The following EIF2AK4 variants were observed in gnomAD, a reference collection of about 807,000 sequenced individuals.
EIF2AK4 encodes the protein eukaryotic translation initiation factor 2 alpha kinase 4.
Under a neutral mutation model 211.1 loss-of-function variants are expected in EIF2AK4, and 139 were observed. The observed-to-expected ratio is 0.66, with a 90% confidence interval of 0.57 to 0.76. The LOEUF (loss-of-function observed/expected upper bound fraction) is 0.76. Among genes scored for constraint, EIF2AK4 ranks in the 30% least tolerant of loss-of-function variants. The pLI is 0.00. For synonymous variants in EIF2AK4, 710 were observed against 751.3 expected (o/e 0.94, Z 0.90); for missense variants, 1,664 against 2,043.8 (o/e 0.81, Z 3.58).
intron 14 of EIF2AK4, among the ~76,000 whole-genome samples, chr15:39,986,228 T>C (rs548471078): frequency 1.3e-5 from 2 of 152,256 alleles, no homozygotes; most frequent in Non-Finnish European, 2.9e-5. Flanking sequence ...GTAGTTCTTA[T>C]AGACTTGTAA....
At position 39,969,548 on chromosome 15, in the gene EIF2AK4, G is replaced by A. The variant is rs544847852; in HGVS notation, c.1553+1669G>A. Among the ~76,000 whole-genome samples, 22 of 152,078 alleles carry A rather than the reference G, an allele frequency of 1.4e-4. No homozygotes were observed. The South Asian group carries it at 4.6e-3, about 32-fold the overall frequency. On this transcript the variant is annotated intron_variant, in intron 9 of 38. Transcript: ENST00000263791. ...GCTAATGTTTTGTATTTTTAGTAGA[G>A]ACAGGGTTTCACCATGTTAGCCAGG... is the stretch of plus-strand genomic sequence containing the variant.
rs531035413 is a variant in EIF2AK4 at position 40,007,083 on chromosome 15, A to T, written c.3407+18A>T. On this transcript the variant is annotated intron_variant, in intron 24 of 38. Coordinates refer to ENST00000263791, the MANE Select transcript of EIF2AK4 (RefSeq NM_001013703.4). The stretch of plus-strand genomic sequence containing the variant: ...TTAAAACGGTAAGAAACAATAGGAG[A>T]TTCCATTTGGTAGACATAGGAAAAT... 4.5e-6 allele frequency: 7 copies of T among 1,568,980 alleles called. No homozygotes were observed. The East Asian group carries it at 9.0e-5, about 20-fold the overall frequency.
intron 9 of EIF2AK4, among the ~76,000 whole-genome samples, 171 bp from the exon 10 acceptor site, chr15:39,972,737 C>T (rs1241232619): frequency 1.3e-5 from 2 of 152,114 alleles, no homozygotes; most frequent in African/African-American, 4.8e-5. Flanking sequence ...GTAAATCCTG[C>T]AGGAATGTTT....
At chr15:39,937,615 T>TC (rs1314003275) in intron 1 of EIF2AK4, among the ~76,000 whole-genome samples, 8 of 152,212 alleles carry the variant, frequency 5.3e-5, no homozygotes. Context: ...GGGTTTTTTT[T>TC]CCCCCTCTGT....
intron 37 of EIF2AK4, among the ~76,000 whole-genome samples, chr15:40,033,460 A>G (rs562255975): frequency 2.9e-4 from 44 of 152,326 alleles, no homozygotes; most frequent in Non-Finnish European, 3.1e-4. Context: ...AAAAATTTGA[A>G]TAGTTATCTT....
chr15:39,957,420 C>T (rs1309867598), intron 6 of EIF2AK4, among the ~76,000 whole-genome samples: 2 of 152,050 alleles, frequency 1.3e-5, no homozygotes, highest in Non-Finnish European at 2.9e-5. Flanking sequence ...TCTGCCGACC[C>T]CTCTGCCTGG....
At chr15:40,027,002 G>A (rs2035473598) in intron 33 of EIF2AK4, among the ~76,000 whole-genome samples, 1 of 151,912 alleles carries the variant, frequency 6.6e-6, no homozygotes, top group African/African-American at 2.4e-5. Flanking sequence ...GGATCCCAAA[G>A]AACTTTTGTT....
At position 39,973,764 on chromosome 15, in the gene EIF2AK4, C is replaced by A; in HGVS notation, c.1818+15C>A. On this transcript the variant is annotated intron_variant, in intron 11 of 38. Transcript: ENST00000263791. ...CTGTCATCAAGGTGTGGTACAGAGT[C>A]ATTCCCAGTCCCCTTTAGAGCTCCT... 1 of 1,613,590 alleles carries A rather than the reference C, an allele frequency of 6.2e-7. No individual in the cohort carries two copies. The highest frequency in any genetic ancestry group is 1.1e-5 in the South Asian group (1 of 90,986).
At chr15:39,988,690 G>C (rs2034900356) in intron 15 of EIF2AK4, among the ~76,000 whole-genome samples, 1 of 152,126 alleles carries the variant, frequency 6.6e-6, no homozygotes. Flanking sequence ...GGGAATATGA[G>C]GATGATTCCT....
intron 29 of EIF2AK4, among the ~76,000 whole-genome samples, chr15:40,018,422 A>G (rs1326985661): frequency 6.8e-6 from 1 of 147,776 alleles, no homozygotes; most frequent in Non-Finnish European, 1.5e-5. Context: ...AATTTGGAGG[A>G]TTTTTTCAGG....
In EIF2AK4 at chr15:39,967,436, C is replaced by G. The variant is rs748096229; in HGVS notation, c.1110C>G (p.Asp370Glu). The change falls in exon 9 of 39, where the codon GAC (aspartate) becomes GAG (glutamate). Residue 370 changes from aspartate (D) to glutamate (E), a missense_variant. Asp to Glu is a conservative substitution (Grantham distance 45, BLOSUM62 2). This residue lies in a region of EIF2AK4 where 641 missense variants were observed against 729.6 expected (regional missense o/e 0.88). Coordinates refer to ENST00000263791, the MANE Select transcript of EIF2AK4 (RefSeq NM_001013703.4). ...RYLAMNLKEQ[D>E]DSIVVDILVE... ...TTGCAATGAATCTCAAAGAGCAAGA[C>G]GACTCCATCGTGGTGGACATTTTAG... 6.2e-7 allele frequency: 1 copy of G among 1,613,604 alleles called. No homozygotes were observed. The highest frequency in any genetic ancestry group is 2.2e-5 in the East Asian group (1 of 44,850).
chr15:39,938,584 C>T (rs777121730), intron 1 of EIF2AK4, among the ~76,000 whole-genome samples: 1 of 152,152 alleles, frequency 6.6e-6, no homozygotes, highest in Non-Finnish European at 1.5e-5. Flanking sequence ...CCTGCCAGGA[C>T]ATTCAGAGAA....
intron 9 of EIF2AK4, among the ~76,000 whole-genome samples, chr15:39,969,602 C>T (rs908696978): frequency 6.6e-6 from 1 of 152,056 alleles, no homozygotes; most frequent in Admixed American, 6.5e-5. Context: ...CCTCGTGATC[C>T]GCCCACCTCG....
chr15:40,003,155 G>A, intron 22 of EIF2AK4, 38 bp from the exon 23 acceptor site: 1 of 1,610,036 alleles, frequency 6.2e-7, no homozygotes, highest in Non-Finnish European at 8.5e-7. Context: ...AGGAGAATGT[G>A]AACCTGATGA....
At chr15:39,944,389 A>T (rs945933133) in intron 3 of EIF2AK4, among the ~76,000 whole-genome samples, 2 of 151,154 alleles carry the variant, frequency 1.3e-5, no homozygotes, top group Non-Finnish European at 2.9e-5. Context: ...TTTTGTGTAA[A>T]ATCACTCAGT....
chr15:40,009,653 T>C lies in EIF2AK4; in HGVS notation c.3616T>C (p.Leu1206=). The C allele has an allele frequency of 6.2e-7, 1 of 1,608,612 alleles. No homozygotes were observed. The highest frequency in any genetic ancestry group is 8.5e-7 in the Non-Finnish European group (1 of 1,177,868). ...TATTTATTTGAACCATACCATGTTA[T>C]TGAAAGCAATACTCTTACACTGTGG... ...YSIYLNHTML[L]KAILLHCGIP... is the part of the protein sequence containing the mutation. The change falls in exon 26 of 39, where the codon TTG becomes CTG. Residue 1206 remains leucine (L), a synonymous_variant. Transcript: ENST00000263791.
At chr15:39,963,031 C>G (rs773628038) in intron 7 of EIF2AK4, among the ~76,000 whole-genome samples, 1 of 152,136 alleles carries the variant, frequency 6.6e-6, no homozygotes, top group Non-Finnish European at 1.5e-5. Context: ...TAAGGAGATA[C>G]AAATAAGCAA....
At chr15:39,973,104 A>C in intron 10 of EIF2AK4, 90 bp downstream of exon 10, 1 of 1,055,490 alleles carries the variant, frequency 9.5e-7, no homozygotes, top group East Asian at 2.4e-5. Context: ...AAGGGGCTGC[A>C]TGTGTTATTT....
intron 11 of EIF2AK4, 152 bp downstream of exon 11, chr15:39,973,901 A>G: frequency 1.2e-6 from 1 of 805,306 alleles, no homozygotes; most frequent in South Asian, 2.0e-5. Context: ...CCTGGAGTTA[A>G]AGGTTTTATT....
Sources: gnomAD v4.1 joint callset for allele counts (sites outside exome capture counted in the v4.1 genomes callset) on GRCh38, gnomAD v4.1.1 for gene constraint, gnomAD v4.1.1 regional missense constraint, MANE v1.5 for transcripts, NCBI Gene and HGNC (gene_info 2026-07-23, HGNC 2026-07-21) for gene names.